SHC4: variants seen among roughly 807,000 people sequenced by gnomAD.
SHC4 encodes SHC-transforming protein 4.
SHC4 carries 41 observed loss-of-function variants against 69.4 expected under a neutral mutation model. That is an observed-to-expected ratio of 0.59 (90% CI 0.46 to 0.77). The LOEUF (loss-of-function observed/expected upper bound fraction) is 0.77. Ranked by LOEUF, SHC4 falls within the 30% of genes least tolerant of loss-of-function variation. The probability of loss-of-function intolerance (pLI) is 0.00; values close to 1 mark genes in which losing one functional copy is unlikely to be tolerated. For missense variants in SHC4, 777 were observed against 783.8 expected (o/e 0.99, Z 0.10); for synonymous variants, 318 against 299.3 (o/e 1.06, Z -0.64).
At position 48,909,814 on chromosome 15, in the gene SHC4, G is replaced by A. The variant is rs145268422; in HGVS notation, c.656+15065C>T. On this transcript the variant is annotated intron_variant, in intron 2 of 11. Coordinates refer to ENST00000332408, the MANE Select transcript of SHC4 (RefSeq NM_203349.4). Reference sequence around the variant, plus strand: ...CTTTTCTGCATCTATTGAAATGATCGTGTGATTTTTATTTTTAATTTTATT... The same window carrying A: ...CTTTTCTGCATCTATTGAAATGATCATGTGATTTTTATTTTTAATTTTATT... Among the ~76,000 whole-genome samples, 20 of 152,122 alleles carry A rather than the reference G, an allele frequency of 1.3e-4. No homozygotes were observed. The East Asian group carries it at 2.5e-3, about 19-fold the overall frequency.
At chr15:48,894,724 T>C (rs1900193227) in intron 2 of SHC4, among the ~76,000 whole-genome samples, 1 of 152,140 alleles carries the variant, frequency 6.6e-6, no homozygotes, top group African/African-American at 2.4e-5. Context: ...ATGGTGCACC[T>C]TGCAGTAGCA....
At chr15:48,888,387 C>T (rs76629237) in intron 3 of SHC4, among the ~76,000 whole-genome samples, 8,869 of 152,188 alleles carry the variant, frequency 0.058, 364 homozygotes, top group Middle Eastern at 0.14. Flanking sequence ...TGTATGATTC[C>T]ACTCATATGA....
intron 8 of SHC4, among the ~76,000 whole-genome samples, chr15:48,851,998 T>A (rs1899223261): frequency 6.6e-6 from 1 of 152,034 alleles, no homozygotes; most frequent in African/African-American, 2.4e-5. Flanking sequence ...GCCCAAAGTG[T>A]GAGAAAAACA....
chr15:48,933,170 A>G (rs1294408989), intron 1 of SHC4, among the ~76,000 whole-genome samples: 4 of 152,120 alleles, frequency 2.6e-5, no homozygotes, highest in Admixed American at 6.6e-5. Flanking sequence ...GCCCAAACCA[A>G]TCATTCCAGT....
intron 4 of SHC4, among the ~76,000 whole-genome samples, chr15:48,873,569 C>A (rs934078640): frequency 6.6e-6 from 1 of 152,096 alleles, no homozygotes; most frequent in Non-Finnish European, 1.5e-5. Flanking sequence ...ACAGTGAAAC[C>A]CCATCTCTAC....
At chr15:48,882,244 A>G (rs1899959865) in intron 4 of SHC4, among the ~76,000 whole-genome samples, 1 of 152,042 alleles carries the variant, frequency 6.6e-6, no homozygotes. Flanking sequence ...TCTCTCCCCC[A>G]TATCCCCCAG....
chr15:48,951,766 T>A (rs6493344), intron 1 of SHC4, among the ~76,000 whole-genome samples: 1 of 152,170 alleles, frequency 6.6e-6, no homozygotes, highest in Non-Finnish European at 1.5e-5. Context: ...TTTCTCTAAT[T>A]ATCTCAAATG....
rs1898665219 is a variant in SHC4, at chr15:48,825,243, T to C, written c.*728A>G. 2 of 152,150 alleles carry C rather than the reference T, an allele frequency of 1.3e-5. No homozygotes were observed. Among genetic ancestry groups the C allele is most frequent in the African/African-American group, 4.8e-5 (2 of 41,436 alleles). 9.4% of individuals were successfully genotyped at this position (152,150 alleles called of 1,614,324 possible). Reference sequence around the variant, plus strand: ...AGAAATGACTGATAGATTTGGCTTCTTCAGCTTGTCACATGCTGTATTTAG... The same window carrying C: ...AGAAATGACTGATAGATTTGGCTTCCTCAGCTTGTCACATGCTGTATTTAG... On this transcript the variant is annotated 3_prime_UTR_variant, in exon 12 of 12. Transcript: ENST00000332408.
At chr15:48,955,179 A>G (rs1202312195) in intron 1 of SHC4, among the ~76,000 whole-genome samples, 10 of 152,160 alleles carry the variant, frequency 6.6e-5, no homozygotes. Context: ...CAGGAAGAGG[A>G]CATTCTAAGC....
intron 4 of SHC4, chr15:48,878,737 G>C (rs573203888): frequency 6.2e-7 from 1 of 1,609,706 alleles, no homozygotes; most frequent in African/African-American, 1.3e-5. Flanking sequence ...TTGATAGAGA[G>C]TAGTTAGATG....
At chr15:48,842,273 G>A (rs930608202) in intron 10 of SHC4, among the ~76,000 whole-genome samples, 2 of 152,150 alleles carry the variant, frequency 1.3e-5, no homozygotes, top group Non-Finnish European at 2.9e-5. Context: ...GTGCTTTATA[G>A]ATGACTTATT....
At chr15:48,847,059 G>A (rs1379121981) in intron 9 of SHC4, among the ~76,000 whole-genome samples, 3 of 149,658 alleles carry the variant, frequency 2.0e-5, no homozygotes, top group Non-Finnish European at 1.5e-5. Context: ...ATTTAAGTTG[G>A]TAATGTTGCC....
chr15:48,953,312 T>C (rs752776709), intron 1 of SHC4, among the ~76,000 whole-genome samples: 13 of 152,034 alleles, frequency 8.6e-5, no homozygotes, highest in African/African-American at 1.2e-4. Flanking sequence ...AAATAACTAA[T>C]GGGTACCAGG....
chr15:48,886,610 C>T (rs1900040399), intron 3 of SHC4, among the ~76,000 whole-genome samples: 1 of 152,162 alleles, frequency 6.6e-6, no homozygotes, highest in African/African-American at 2.4e-5. Context: ...GTTTACCAAA[C>T]AGGATTAATA....
At chr15:48,880,145 T>C (rs1472914808) in intron 4 of SHC4, 1 of 167,262 alleles carries the variant, frequency 6.0e-6, no homozygotes, top group East Asian at 1.9e-4. Context: ...TGCTCCATTA[T>C]AGCAGTAAAG....
chr15:48,889,798 C>G (rs1412206082), intron 3 of SHC4, among the ~76,000 whole-genome samples: 1 of 152,130 alleles, frequency 6.6e-6, no homozygotes, highest in African/African-American at 2.4e-5. Context: ...GAGCCGAGAT[C>G]GCACCATTGC....
Position 48,826,087 on chromosome 15 carries a change from G to T in SHC4, c.1777C>A (p.Leu593Ile). The T allele has an allele frequency of 6.2e-7, 1 of 1,613,614 alleles. No individual in the cohort carries two copies. The highest frequency in any genetic ancestry group is 8.5e-7 in the Non-Finnish European group (1 of 1,179,850). Residue 593 changes from leucine (L) to isoleucine (I), a missense_variant, in exon 12 of 12, where the codon CTT (leucine) becomes ATT (isoleucine). Leu to Ile is a conservative substitution (Grantham distance 5). Coordinates refer to ENST00000332408, the MANE Select transcript of SHC4 (RefSeq NM_203349.4). ...CTGTTATCCATATGGTATCTGATAAGGTGGCCGACATTATCAAATACATGA... is the reference window on the plus strand; with the variant it reads ...CTGTTATCCATATGGTATCTGATAATGTGGCCGACATTATCAAATACATGA... ...KDHVFDNVGH[L>I]IRYHMDNSLP...
chr15:48,890,911 T>C (rs1900124773), intron 2 of SHC4, 100 bp from the exon 3 acceptor site: 1 of 1,208,786 alleles, frequency 8.3e-7, no homozygotes, highest in Non-Finnish European at 1.2e-6. Flanking sequence ...AAAGTACACA[T>C]ACATAATAGT....
chr15:48,931,519 T>A (rs1457914491), intron 1 of SHC4, among the ~76,000 whole-genome samples: 1 of 152,212 alleles, frequency 6.6e-6, no homozygotes, highest in Non-Finnish European at 1.5e-5. Context: ...TACTTTTTTT[T>A]CAAATCCATC....
Sources: gnomAD v4.1 joint callset for allele counts (sites outside exome capture counted in the v4.1 genomes callset) on GRCh38, gnomAD v4.1.1 for gene constraint, MANE v1.5 for transcripts, NCBI Gene and HGNC (gene_info 2026-07-23, HGNC 2026-07-21) for gene names.